The following NAV3 variants were observed in gnomAD, a reference collection of about 807,000 sequenced individuals.
NAV3 encodes the protein pore membrane and/or filament interacting like protein 1.
A neutral mutation model predicts 244.7 loss-of-function variants in NAV3; 87 were observed. That is an observed-to-expected ratio of 0.36 (90% CI 0.30 to 0.42). The LOEUF is 0.42. NAV3 is among the 20% of genes least tolerant of loss of function. NAV3 has a pLI of 1.00. For missense variants in NAV3, 2,663 were observed against 2,893.3 expected, an observed-to-expected ratio of 0.92 and a Z score of 1.83; for synonymous variants, 1,126 against 1,042.2, an observed-to-expected ratio of 1.08 and a Z score of -1.55.
At chr12:78,016,304 T>A (rs1876202772) in intron 8 of NAV3, among the ~76,000 whole-genome samples, 1 of 152,140 alleles carries the variant, frequency 6.6e-6, no homozygotes, top group South Asian at 2.1e-4. Flanking sequence ...TGATATTATA[T>A]ATATGCCTTA....
At chr12:77,799,547 G>A (rs905901804) in intron 2 of NAV3, among the ~76,000 whole-genome samples, 6 of 152,206 alleles carry the variant, frequency 3.9e-5, no homozygotes, top group African/African-American at 1.4e-4. Flanking sequence ...TTATGCTAAT[G>A]ATGGTGATTA....
intron 3 of NAV3, among the ~76,000 whole-genome samples, chr12:77,951,116 A>G (rs972995784): frequency 3.3e-5 from 5 of 152,192 alleles, no homozygotes; most frequent in Non-Finnish European, 5.9e-5. Flanking sequence ...GAAATCTACC[A>G]TCAGAGTGAA....
intron 2 of NAV3, among the ~76,000 whole-genome samples, chr12:77,606,949 A>G (rs11105881): frequency 0.17 from 26,245 of 152,024 alleles, 2,593 homozygotes; most frequent in Admixed American, 0.23. Flanking sequence ...CTTTGCTGAG[A>G]TTATGTGTTC....
intron 1 of NAV3, among the ~76,000 whole-genome samples, chr12:77,923,050 A>G (rs1887860041): frequency 6.6e-6 from 1 of 151,922 alleles, no homozygotes; most frequent in African/African-American, 2.4e-5. Flanking sequence ...ATGGCTACTT[A>G]ACATTTTGAA....
intron 3 of NAV3, among the ~76,000 whole-genome samples, chr12:77,950,379 C>G (rs1006897561): frequency 1.3e-5 from 2 of 151,992 alleles, no homozygotes; most frequent in African/African-American, 4.8e-5. Context: ...TTCATTGTAA[C>G]TATAATTTGA....
intron 12 of NAV3, among the ~76,000 whole-genome samples, chr12:78,068,628 T>C (rs1194677296): frequency 6.8e-6 from 1 of 147,414 alleles, no homozygotes; most frequent in African/African-American, 2.5e-5. Context: ...TATAATTATA[T>C]ATAATTACAT....
chr12:77,954,514 A>G (rs1593103755), intron 3 of NAV3, among the ~76,000 whole-genome samples: 1 of 152,340 alleles, frequency 6.6e-6, no homozygotes, highest in East Asian at 1.9e-4. Flanking sequence ...CTACTGAATA[A>G]GAAAAATAAT....
chr12:77,890,642 G>A (rs1409463708), intron 1 of NAV3, among the ~76,000 whole-genome samples: 4 of 151,924 alleles, frequency 2.6e-5, no homozygotes, highest in Non-Finnish European at 4.4e-5. Flanking sequence ...ATATTTTTAC[G>A]ATTCTTCATC....
intron 39 of NAV3, among the ~76,000 whole-genome samples, chr12:78,208,506 G>A (rs1028474592): frequency 8.5e-5 from 13 of 152,260 alleles, no homozygotes; most frequent in Admixed American, 3.3e-4. Flanking sequence ...GATGTATCAC[G>A]ATAATGACTA....
intron 1 of NAV3, among the ~76,000 whole-genome samples, chr12:77,921,611 T>C (rs983402966): frequency 5.9e-5 from 9 of 152,088 alleles, no homozygotes; most frequent in Admixed American, 1.3e-4. Context: ...TCCTTTTCCT[T>C]GGAGTTAAAA....
At chr12:77,836,137 A>G (rs1461963484) in intron 1 of NAV3, among the ~76,000 whole-genome samples, 5 of 152,212 alleles carry the variant, frequency 3.3e-5, no homozygotes, top group Non-Finnish European at 7.3e-5. Flanking sequence ...GAACAGAGTC[A>G]CTTTGCCTTG....
intron 12 of NAV3, among the ~76,000 whole-genome samples, chr12:78,073,796 C>T (rs960870908): frequency 2.0e-5 from 3 of 152,102 alleles, no homozygotes; most frequent in African/African-American, 7.2e-5. Flanking sequence ...AACTATACTA[C>T]AAGGCTACAG....
At position 77,977,708 on chromosome 12, in the gene NAV3, A is replaced by ACACG. The variant is rs71088353; in HGVS notation, c.671+9007_671+9008insACGC. 4.3e-3 allele frequency among the ~76,000 whole-genome samples: 318 copies of ACACG among 73,342 alleles called. 2 individuals are homozygous for ACACG. Among genetic ancestry groups the ACACG allele is most frequent in the African/African-American group, 0.011 (257 of 23,624 alleles). The allele number at this position is 73,342 out of a possible 152,430, so 48.1% of individuals were successfully genotyped here. On this transcript the variant is annotated intron_variant, in intron 5 of 39. Transcript: ENST00000397909. Reference sequence around the variant, plus strand: ...TATATATACACACACACACACACACACGCGCACACACACACACACACACAC... The same window carrying ACACG: ...TATATATACACACACACACACACACACACGCGCGCACACACACACACACACACAC...
chr12:77,630,745 G>T (rs1332180970), intron 2 of NAV3, among the ~76,000 whole-genome samples: 1 of 152,178 alleles, frequency 6.6e-6, no homozygotes, highest in African/African-American at 2.4e-5. Context: ...ATAGATGGGA[G>T]AAAGACAAAT....
At chr12:77,809,482 C>T (rs906510896) in intron 2 of NAV3, among the ~76,000 whole-genome samples, 11 of 152,182 alleles carry the variant, frequency 7.2e-5, no homozygotes, top group South Asian at 4.1e-4. Context: ...AGCTTTGGTT[C>T]GCCCTCCATG....
intron 8 of NAV3, among the ~76,000 whole-genome samples, chr12:78,011,964 A>G (rs1875356341): frequency 6.6e-6 from 1 of 152,094 alleles, no homozygotes; most frequent in African/African-American, 2.4e-5. Flanking sequence ...CTCACTCACT[A>G]TCAGGAGAAC....
rs192777899 is a variant in NAV3 at position 77,746,126 on chromosome 12, G to C, written c.72+173860G>C. Among the ~76,000 whole-genome samples, 14 of 152,018 alleles carry C rather than the reference G, an allele frequency of 9.2e-5. No individual in the cohort carries two copies. In the East Asian group the frequency reaches 2.3e-3, roughly 25 times the overall value. ...AAAGAAAAAAAAAATCTCTAGTATG[G>C]TTTCTACCATTGGCTGATGGCTACT... is the stretch of plus-strand genomic sequence containing the variant. On this transcript the variant is annotated intron_variant, in intron 2 of 8. Transcript: ENST00000550042.
At position 78,197,687 on chromosome 12, in the gene NAV3, A is replaced by C. The variant is rs1214527423; in HGVS notation, c.6446+286A>C. Among the ~76,000 whole-genome samples the C allele has an allele frequency of 1.8e-4, 28 of 151,828 alleles. No homozygotes were observed. In the Admixed American group the frequency reaches 1.8e-3, roughly 10 times the overall value. On this transcript the variant is annotated intron_variant, in intron 35 of 39. Coordinates refer to ENST00000397909, the MANE Select transcript of NAV3 (RefSeq NM_001024383.2). Reference sequence around the variant, plus strand: ...TTTGAGAAACCCTCTTTAATATTATACCACAGTTTTAAAGACTCCATATGC... The same window carrying C: ...TTTGAGAAACCCTCTTTAATATTATCCCACAGTTTTAAAGACTCCATATGC...
intron 2 of NAV3, among the ~76,000 whole-genome samples, chr12:77,695,445 CAGTG>C (rs2137178316): frequency 6.6e-6 from 1 of 152,232 alleles, no homozygotes; most frequent in African/African-American, 2.4e-5. Context: ...CCTTTGTCAA[CAGTG>C]AGTTCACTTT....
Sources: allele counts gnomAD v4.1 joint callset (sites outside exome capture counted in the v4.1 genomes callset), GRCh38; gene constraint gnomAD v4.1.1; transcripts MANE v1.5; gene names NCBI Gene and HGNC (gene_info 2026-07-23, HGNC 2026-07-21).